Variants in IGSF11 observed in about 807,000 individuals in gnomAD.
The protein encoded by IGSF11 is CXADR like 1.
In IGSF11, 22 loss-of-function variants were observed where a neutral mutation model predicts 41.0. The observed-to-expected ratio is 0.54, with a 90% CI of 0.38 to 0.77. The LOEUF is 0.77. Ranked by LOEUF, IGSF11 falls within the 30% of genes least tolerant of loss-of-function variation. The pLI is 0.00. For synonymous variants in IGSF11, 219 were observed against 201.3 expected, an observed-to-expected ratio of 1.09 and a Z score of -0.74; for missense variants, 444 against 530.8, an observed-to-expected ratio of 0.84 and a Z score of 1.61.
chr3:119,042,985 C>G (rs565583022), intron 1 of IGSF11, among the ~76,000 whole-genome samples: 1 of 152,298 alleles, frequency 6.6e-6, no homozygotes, highest in Admixed American at 6.5e-5. Flanking sequence ...ACCTGGGGTT[C>G]TTGGCCTAAC....
At chr3:119,091,122 A>T (rs1373806366) in intron 1 of IGSF11, among the ~76,000 whole-genome samples, 2 of 152,254 alleles carry the variant, frequency 1.3e-5, no homozygotes, top group Non-Finnish European at 2.9e-5. Context: ...ATCACTAGTC[A>T]TCAGAGAAAT....
rs559480214 is a variant in IGSF11 at position 118,974,277 on chromosome 3, G to C, written c.53-44002C>G. ...AGTATTTGAATAAAAAAGAGACGGG[G>C]ATAGAGCAGTATTTCATAAAAATGT... On this transcript the variant is annotated intron_variant, in intron 1 of 6. Coordinates refer to ENST00000393775, the MANE Select transcript of IGSF11 (RefSeq NM_001015887.3). 2.3e-4 allele frequency among the ~76,000 whole-genome samples: 35 copies of C among 152,236 alleles called. 1 individual carries two copies. In the South Asian group the frequency reaches 6.4e-3, roughly 28 times the overall value.
Position 119,019,650 on chromosome 3 carries a change from TG to T in IGSF11, c.52+14880del, listed in dbSNP as rs1244424198. Among the ~76,000 whole-genome samples, 20 of 152,210 alleles carry T rather than the reference TG, an allele frequency of 1.3e-4. 1 individual carries two copies. The highest frequency in any genetic ancestry group is 4.3e-4 in the African/African-American group (18 of 41,522). On this transcript the variant is annotated intron_variant, in intron 1 of 6. Coordinates refer to ENST00000393775, the MANE Select transcript of IGSF11 (RefSeq NM_001015887.3). ...GCCCCTATAGCCACACCAAGTTCTCTGGTTTCTTTACCTGCCTCTGCTGGAG... is the reference window on the plus strand; with the variant it reads ...GCCCCTATAGCCACACCAAGTTCTCTGTTTCTTTACCTGCCTCTGCTGGAG...
chr3:119,033,989 G>T lies in IGSF11; in HGVS notation c.52+542C>A, dbSNP rs144660100. 3.3e-5 allele frequency among the ~76,000 whole-genome samples: 5 copies of T among 152,298 alleles called. No homozygotes were observed. The East Asian group carries it at 9.6e-4, about 29-fold the overall frequency. On this transcript the variant is annotated intron_variant, in intron 1 of 6. Coordinates refer to ENST00000393775, the MANE Select transcript of IGSF11 (RefSeq NM_001015887.3). ...CCAACTTAAGTCCTTTGGAGATGAA[G>T]CTAGAGTGTAAATAAATTCTTGTTT...
chr3:118,929,576 T>C (rs2107532241), intron 2 of IGSF11, among the ~76,000 whole-genome samples: 1 of 152,326 alleles, frequency 6.6e-6, no homozygotes, highest in East Asian at 1.9e-4. Context: ...ACAAATTATG[T>C]GTCTTTTTCC....
chr3:118,925,078 T>C (rs1394541289), intron 4 of IGSF11, among the ~76,000 whole-genome samples: 1 of 152,144 alleles, frequency 6.6e-6, no homozygotes, highest in African/African-American at 2.4e-5. Flanking sequence ...ATAAAAGTTA[T>C]TATGTTGAAA....
At chr3:119,040,356 C>T (rs1378558596) in intron 1 of IGSF11, among the ~76,000 whole-genome samples, 3 of 152,198 alleles carry the variant, frequency 2.0e-5, no homozygotes, top group African/African-American at 7.2e-5. Flanking sequence ...TCCTTAAAAA[C>T]TCTGCTCCCT....
At position 119,096,134 on chromosome 3, in the gene IGSF11, T is replaced by C. The variant is rs552007179; in HGVS notation, c.49+9010A>G. Among the ~76,000 whole-genome samples the C allele has an allele frequency of 3.9e-5, 6 of 152,080 alleles. No individual in the cohort carries two copies. In the South Asian group the frequency reaches 1.2e-3, roughly 31 times the overall value. ...CTTAGTAGAAACTCTAAGAAAACAA[T>C]GGATGTATTGAGTAAACTCTATCAT... is the stretch of plus-strand genomic sequence containing the variant. On this transcript the variant is annotated intron_variant, in intron 1 of 6. Transcript: ENST00000354673.
chr3:119,064,181 G>A (rs963451390), intron 1 of IGSF11, among the ~76,000 whole-genome samples: 1 of 151,986 alleles, frequency 6.6e-6, no homozygotes, highest in Admixed American at 6.5e-5. Flanking sequence ...TACTCTAAAA[G>A]CTTTTTTGTT....
intron 1 of IGSF11, among the ~76,000 whole-genome samples, chr3:119,136,995 A>T (rs761344236): frequency 6.6e-6 from 1 of 152,158 alleles, no homozygotes; most frequent in Non-Finnish European, 1.5e-5. Context: ...CTAAAAATAA[A>T]ATTATGTGCC....
chr3:119,098,769 C>T (rs2076895520), intron 1 of IGSF11, among the ~76,000 whole-genome samples: 1 of 152,204 alleles, frequency 6.6e-6, no homozygotes, highest in South Asian at 2.1e-4. Flanking sequence ...AATCCCAAAG[C>T]ATTTTTAGCT....
rs180678538 is a variant in IGSF11 at position 119,137,236 on chromosome 3, T to G, written c.-14+8577A>C. ...TAAAAAAAAAATCCTCAAATTTATA[T>G]GGAACAACAAAAGATCCAGAATAGC... On this transcript the variant is annotated intron_variant, in intron 1 of 7. Coordinates refer to the IGSF11 transcript ENST00000425327. Among the ~76,000 whole-genome samples the G allele has an allele frequency of 1.5e-3, 228 of 152,194 alleles. No individual in the cohort carries two copies. The Middle Eastern group carries it at 0.02, about 14-fold the overall frequency.
Position 119,120,347 on chromosome 3 carries a change from G to A in IGSF11, c.-13-15142C>T, listed in dbSNP as rs577331385. ...CAACACAGCAAGGAATCAGTGAAAT[G>A]GCTTCTTTGTCTGGGGTATATACCC... On this transcript the variant is annotated intron_variant, in intron 1 of 7. Coordinates refer to the IGSF11 transcript ENST00000425327. Among the ~76,000 whole-genome samples, 174 of 152,324 alleles carry A rather than the reference G, an allele frequency of 1.1e-3. 4 individuals are homozygous for A. Among genetic ancestry groups the A allele is most frequent in the Admixed American group, 2.0e-3 (30 of 15,302 alleles).
chr3:118,959,955 G>A (rs929602419), intron 1 of IGSF11, among the ~76,000 whole-genome samples: 2 of 151,902 alleles, frequency 1.3e-5, no homozygotes, highest in East Asian at 3.9e-4. Flanking sequence ...TGAGGCAGGA[G>A]AATGGCGTGA....
intron 1 of IGSF11, among the ~76,000 whole-genome samples, chr3:119,081,439 G>A (rs1051134875): frequency 2.6e-5 from 4 of 152,240 alleles, no homozygotes; most frequent in Admixed American, 2.0e-4. Flanking sequence ...CAAGGGCAGC[G>A]TGGGTCCCTA....
intron 4 of IGSF11, among the ~76,000 whole-genome samples, chr3:118,912,012 T>G (rs1363678065): frequency 6.6e-6 from 1 of 152,170 alleles, no homozygotes; most frequent in Non-Finnish European, 1.5e-5. Context: ...AACAGAGGAT[T>G]TCTTACAAAC....
chr3:119,067,190 C>T (rs1942259312), intron 1 of IGSF11, among the ~76,000 whole-genome samples: 1 of 152,154 alleles, frequency 6.6e-6, no homozygotes, highest in Admixed American at 6.5e-5. Context: ...TTTCTTCTGT[C>T]CTGTACTAGC....
chr3:118,972,413 T>C (rs1025317633), intron 1 of IGSF11, among the ~76,000 whole-genome samples: 1 of 152,228 alleles, frequency 6.6e-6, no homozygotes, highest in African/African-American at 2.4e-5. Context: ...ACTAGGAGCA[T>C]TATACTTATT....
At chr3:118,917,749 T>G (rs1419502427) in intron 4 of IGSF11, among the ~76,000 whole-genome samples, 2 of 150,044 alleles carry the variant, frequency 1.3e-5, no homozygotes, top group Non-Finnish European at 3.0e-5. Flanking sequence ...CCTCCCTAAC[T>G]CATTTTATGA....
Sources: allele counts gnomAD v4.1 joint callset (sites outside exome capture counted in the v4.1 genomes callset), GRCh38; gene constraint gnomAD v4.1.1; transcripts MANE v1.5; gene names NCBI Gene and HGNC (gene_info 2026-07-23, HGNC 2026-07-21).